The following PKD2 variants were observed in gnomAD, a reference collection of about 807,000 sequenced individuals.
The protein encoded by PKD2 is polycystin 2, transient receptor potential cation channel.
A neutral mutation model predicts 105.9 loss-of-function variants in PKD2; 48 were observed. That is an observed-to-expected ratio of 0.45 (90% CI 0.36 to 0.58). The LOEUF (loss-of-function observed/expected upper bound fraction) is 0.58, where lower values mean the gene tolerates loss of function less well. Among genes scored for constraint, PKD2 ranks in the 20% least tolerant of loss-of-function variants. PKD2 has a pLI of 0.00. For missense variants in PKD2, 1,078 were observed against 1,255.3 expected, an observed-to-expected ratio of 0.86 and a Z score of 2.13; for synonymous variants, 464 against 481.1, an observed-to-expected ratio of 0.96 and a Z score of 0.46.
Position 88,019,537 on chromosome 4 carries a change from C to T in PKD2, c.675C>T (p.Val225=), listed in dbSNP as rs1726678228. 6.3e-7 allele frequency: 1 copy of T among 1,592,460 alleles called. No individual in the cohort carries two copies. Among genetic ancestry groups the T allele is most frequent in the African/African-American group, 1.3e-5 (1 of 74,480 alleles). The change falls in exon 2 of 15, where the codon GTC becomes GTT. Residue 225 remains valine (V), a synonymous_variant. Coordinates refer to ENST00000237596, the MANE Select transcript of PKD2 (RefSeq NM_000297.4). ...KYLKSVLREL[V]TYLLFLIVLC... ...TTAAAAGTGTTTTACGGGAACTGGT[C>T]ACATACCTCCTTTTTCTCATAGTCT...
intron 11 of PKD2, 74 bp downstream of exon 11, chr4:88,065,569 C>G (rs1720760520): frequency 6.8e-7 from 1 of 1,469,966 alleles, no homozygotes; most frequent in Admixed American, 1.7e-5. Context: ...AAGAGTATTT[C>G]TAGCCCAAGG....
At chr4:88,061,073 G>A (rs986088676) in intron 9 of PKD2, among the ~76,000 whole-genome samples, 1 of 152,124 alleles carries the variant, frequency 6.6e-6, no homozygotes, top group Non-Finnish European at 1.5e-5. Context: ...TAGTAGGCCT[G>A]CTGTATTCCT....
intron 7 of PKD2, among the ~76,000 whole-genome samples, chr4:88,054,369 C>T (rs1440033231): frequency 2.7e-5 from 4 of 148,882 alleles, no homozygotes; most frequent in Non-Finnish European, 5.9e-5. Context: ...CACTGCACTC[C>T]AGCCTGGGCA....
chr4:88,008,161 G>T lies in PKD2; in HGVS notation c.428G>T (p.Gly143Val). Residue 143 changes from glycine (G) to valine (V), a missense_variant, in exon 1 of 15, where the codon GGC becomes GTC. Transcript: ENST00000237596. ...SVGARSRGLG[G>V]YHGAGHPSGR... ...GGCGCGCGGAGCCGGGGGCTTGGGG[G>T]CTACCACGGCGCGGGCCACCCGAGC... The T allele has an allele frequency of 6.9e-7, 1 of 1,447,340 alleles. No homozygotes were observed. The highest frequency in any genetic ancestry group is 9.1e-7 in the Non-Finnish European group (1 of 1,102,652). 89.7% of individuals were successfully genotyped at this position (1,447,340 alleles called of 1,614,324 possible).
At chr4:88,048,866 C>A (rs1727871312) in intron 6 of PKD2, among the ~76,000 whole-genome samples, 1 of 152,142 alleles carries the variant, frequency 6.6e-6, no homozygotes, top group Admixed American at 6.5e-5. Context: ...AATAATTTTT[C>A]AGAATATTTC....
chr4:88,015,164 G>A (rs1726516163), intron 1 of PKD2, among the ~76,000 whole-genome samples: 1 of 152,180 alleles, frequency 6.6e-6, no homozygotes, highest in Non-Finnish European at 1.5e-5. Flanking sequence ...ACAATAGCTG[G>A]AATTAATTCC....
In PKD2 at chr4:88,065,487, T is replaced by A. The variant is rs1720758201; in HGVS notation, c.2232T>A (p.Asp744Glu). The change falls in exon 11 of 15, where the codon GAT becomes GAA. Residue 744 changes from aspartate (D) to glutamate (E), a missense_variant. By Grantham distance (45) the Asp-to-Glu change is conservative. Coordinates refer to ENST00000237596, the MANE Select transcript of PKD2 (RefSeq NM_000297.4). ...GKLNFDELRQ[D>E]LKGKGHTDAE... Reference sequence around the variant, plus strand: ...TAAACTTTGACGAACTTCGACAAGATCTCAAAGGGTGAGAATCATGCTTCC... The same window carrying A: ...TAAACTTTGACGAACTTCGACAAGAACTCAAAGGGTGAGAATCATGCTTCC... 2 of 1,613,768 alleles carry A rather than the reference T, an allele frequency of 1.2e-6. No homozygotes were observed. The highest frequency in any genetic ancestry group is 1.7e-6 in the Non-Finnish European group (2 of 1,179,702).
intron 2 of PKD2, among the ~76,000 whole-genome samples, chr4:88,031,750 C>T (rs1727161942): frequency 6.6e-6 from 1 of 152,014 alleles, no homozygotes; most frequent in African/African-American, 2.4e-5. Context: ...TTTAAGTTTC[C>T]AACTGTAATT....
At chr4:88,069,400 C>T (rs1164871055) in intron 13 of PKD2, among the ~76,000 whole-genome samples, 1 of 151,746 alleles carries the variant, frequency 6.6e-6, no homozygotes, top group African/African-American at 2.4e-5. Context: ...TGAATATTTT[C>T]AAGTATAACA....
At chr4:88,015,228 C>G (rs1458880709) in intron 1 of PKD2, among the ~76,000 whole-genome samples, 1 of 152,184 alleles carries the variant, frequency 6.6e-6, no homozygotes, top group Non-Finnish European at 1.5e-5. Context: ...GGCCGCAGAG[C>G]AGGAGGTGAG....
intron 2 of PKD2, among the ~76,000 whole-genome samples, chr4:88,035,458 AG>A (rs1339316158): frequency 6.6e-6 from 1 of 152,154 alleles, no homozygotes; most frequent in Non-Finnish European, 1.5e-5. Context: ...AGAACCAACA[AG>A]GGGAAGTGAT....
intron 12 of PKD2, among the ~76,000 whole-genome samples, chr4:88,067,000 A>G (rs1191899044): frequency 6.6e-6 from 1 of 152,202 alleles, no homozygotes; most frequent in East Asian, 1.9e-4. Flanking sequence ...ACAAGGCTCT[A>G]TTTAGACAAA....
In PKD2 at chr4:88,007,877, G is replaced by C; in HGVS notation, c.144G>C (p.Glu48Asp). Reference sequence around the variant, plus strand: ...TCGCCGCCCCGGGCGGCCTCTGCGAGCAGCGGGGCCTGGAGATCGAGATGC... The same window carrying C: ...TCGCCGCCCCGGGCGGCCTCTGCGACCAGCGGGGCCTGGAGATCGAGATGC... ...ASLAAPGGLC[E>D]QRGLEIEMQR... is the part of the protein sequence containing the mutation. Residue 48 changes from glutamate (E) to aspartate (D), a missense_variant, in exon 1 of 15, where the codon GAG (glutamate) becomes GAC (aspartate). Coordinates refer to ENST00000237596, the MANE Select transcript of PKD2 (RefSeq NM_000297.4). 3.8e-6 allele frequency: 5 copies of C among 1,302,176 alleles called. No individual in the cohort carries two copies. Among genetic ancestry groups the C allele is most frequent in the Non-Finnish European group, 4.9e-6 (5 of 1,021,632 alleles). The allele number at this position is 1,302,176 out of a possible 1,614,324, so 80.7% of individuals were successfully genotyped here.
At chr4:88,061,639 G>A (rs566909053) in intron 9 of PKD2, among the ~76,000 whole-genome samples, 1 of 152,084 alleles carries the variant, frequency 6.6e-6, no homozygotes, top group Non-Finnish European at 1.5e-5. Flanking sequence ...TCAGGAGGCT[G>A]AGACTCAAGA....
At chr4:88,037,993 G>T (rs979354163) in intron 3 of PKD2, among the ~76,000 whole-genome samples, 2 of 152,194 alleles carry the variant, frequency 1.3e-5, no homozygotes, top group African/African-American at 4.8e-5. Flanking sequence ...TACCCACTCT[G>T]TGCCAGGTGC....
chr4:88,029,117 G>T (rs989877054), intron 2 of PKD2, among the ~76,000 whole-genome samples: 1 of 152,106 alleles, frequency 6.6e-6, no homozygotes, highest in African/African-American at 2.4e-5. Context: ...AAGGTCACGG[G>T]GGATGGCTCT....
chr4:88,029,273 GT>G (rs1355370205), intron 2 of PKD2, among the ~76,000 whole-genome samples: 4 of 152,154 alleles, frequency 2.6e-5, no homozygotes. Flanking sequence ...TGTTTACACA[GT>G]GTTTTCTCTG....
At chr4:88,032,086 A>T (rs1727179484) in intron 2 of PKD2, among the ~76,000 whole-genome samples, 1 of 152,102 alleles carries the variant, frequency 6.6e-6, no homozygotes, top group Non-Finnish European at 1.5e-5. Flanking sequence ...TAAACCATTC[A>T]CAGTTCATGC....
At chr4:88,036,064 G>T in intron 2 of PKD2, 156 bp from the exon 3 acceptor site, 2 of 1,054,974 alleles carry the variant, frequency 1.9e-6, no homozygotes, top group Non-Finnish European at 1.5e-6. Context: ...TACCCTAGAA[G>T]AATGATAGGG....
Sources: gnomAD v4.1 joint callset for allele counts (sites outside exome capture counted in the v4.1 genomes callset) on GRCh38, gnomAD v4.1.1 for gene constraint, MANE v1.5 for transcripts, NCBI Gene and HGNC (gene_info 2026-07-23, HGNC 2026-07-21) for gene names.